The following ASIC2 variants were observed in gnomAD, a reference collection of about 807,000 sequenced individuals.
The protein encoded by ASIC2 is acid-sensing ion channel 2.
ASIC2 carries 25 observed loss-of-function variants against 57.3 expected under a neutral mutation model. The ratio of observed to expected loss-of-function variants is 0.44; its 90% CI spans 0.32 to 0.61. ASIC2 has a LOEUF of 0.61. Ranked by LOEUF, ASIC2 falls within the 20% of genes least tolerant of loss-of-function variation. The pLI, the probability that ASIC2 is intolerant of heterozygous loss-of-function variation, is 0.06. For synonymous variants in ASIC2, 319 were observed against 307.5 expected (o/e 1.04, Z -0.39); for missense variants, 641 against 738.1 (o/e 0.87, Z 1.52).
chr17:33,186,842 AGC>A (rs1906216088), intron 1 of ASIC2, among the ~76,000 whole-genome samples: 1 of 152,234 alleles, frequency 6.6e-6, no homozygotes, highest in African/African-American at 2.4e-5. Flanking sequence ...GTGCTTCATG[AGC>A]TGAGCAAAAA....
chr17:33,015,456 A>G (rs1215589435), intron 9 of ASIC2, among the ~76,000 whole-genome samples: 1 of 152,194 alleles, frequency 6.6e-6, no homozygotes, highest in Non-Finnish European at 1.5e-5. Flanking sequence ...CTGGGCCTCA[A>G]CTGCCTCAAA....
intron 1 of ASIC2, among the ~76,000 whole-genome samples, chr17:33,268,016 G>A (rs1342029915): frequency 6.6e-6 from 1 of 152,106 alleles, no homozygotes; most frequent in Non-Finnish European, 1.5e-5. Context: ...ATGAATCAAG[G>A]GACATGTGAC....
chr17:33,825,263 T>C (rs946215519), intron 1 of ASIC2, among the ~76,000 whole-genome samples: 1 of 152,158 alleles, frequency 6.6e-6, no homozygotes, highest in Non-Finnish European at 1.5e-5. Flanking sequence ...GAACAATCAA[T>C]GTGTCCCACT....
At position 33,167,645 on chromosome 17, in the gene ASIC2, A is replaced by C. The variant is rs571515146; in HGVS notation, c.709-55578T>G. 7.9e-5 allele frequency among the ~76,000 whole-genome samples: 12 copies of C among 152,350 alleles called. 1 individual carries two copies. In the East Asian group the frequency reaches 9.6e-4, roughly 12 times the overall value. ...CCCCACTGCCTACTGTATTAAGCACAAACTCCTCATTCTGGCATTCAAGGT... is the reference window on the plus strand; with the variant it reads ...CCCCACTGCCTACTGTATTAAGCACCAACTCCTCATTCTGGCATTCAAGGT... On this transcript the variant is annotated intron_variant, in intron 1 of 9. Transcript: ENST00000225823.
chr17:33,570,545 C>T (rs1436100071), intron 1 of ASIC2, among the ~76,000 whole-genome samples: 1 of 152,262 alleles, frequency 6.6e-6, no homozygotes, highest in Non-Finnish European at 1.5e-5. Flanking sequence ...ATTTGATGAG[C>T]ATTTTCTGTG....
chr17:33,698,687 T>C (rs1908604619), intron 1 of ASIC2, among the ~76,000 whole-genome samples: 1 of 152,136 alleles, frequency 6.6e-6, no homozygotes, highest in African/African-American at 2.4e-5. Context: ...AACAAACTGA[T>C]GGATGTGCAA....
intron 1 of ASIC2, among the ~76,000 whole-genome samples, chr17:34,105,070 A>G (rs923012247): frequency 2.0e-5 from 3 of 152,026 alleles, no homozygotes; most frequent in Non-Finnish European, 4.4e-5. Context: ...ACTGGAACCA[A>G]GAGTTTATTT....
chr17:33,688,035 G>A (rs1908248592), intron 1 of ASIC2, among the ~76,000 whole-genome samples: 1 of 152,080 alleles, frequency 6.6e-6, no homozygotes, highest in Admixed American at 6.5e-5. Context: ...CTCTCAATTT[G>A]GGCTCAATTT....
At chr17:33,555,208 A>T (rs1915870426) in intron 1 of ASIC2, among the ~76,000 whole-genome samples, 1 of 152,146 alleles carries the variant, frequency 6.6e-6, no homozygotes, top group South Asian at 2.1e-4. Context: ...TTATGCCTGT[A>T]GTGCCCTCCT....
intron 1 of ASIC2, among the ~76,000 whole-genome samples, chr17:33,946,514 A>C (rs182329321): frequency 1.6e-4 from 24 of 152,376 alleles, no homozygotes; most frequent in Non-Finnish European, 3.2e-4. Context: ...TCACTGATTC[A>C]TTTAACAATC....
At chr17:33,869,250 AC>A (rs1217539679) in intron 1 of ASIC2, among the ~76,000 whole-genome samples, 4 of 152,206 alleles carry the variant, frequency 2.6e-5, no homozygotes, top group Non-Finnish European at 5.9e-5. Context: ...TTAAAAAAAA[AC>A]AAAGAATATT....
At chr17:33,332,289 T>C (rs924076859) in intron 1 of ASIC2, among the ~76,000 whole-genome samples, 8 of 152,234 alleles carry the variant, frequency 5.3e-5, no homozygotes, top group African/African-American at 1.9e-4. Flanking sequence ...CTAGTAACCC[T>C]ATTTTTAAAA....
chr17:33,777,517 C>T (rs148672070), intron 1 of ASIC2, among the ~76,000 whole-genome samples: 346 of 152,222 alleles, frequency 2.3e-3, no homozygotes, highest in African/African-American at 7.6e-3. Flanking sequence ...CCCAGCCCAC[C>T]AACCCACCAT....
intron 3 of ASIC2, among the ~76,000 whole-genome samples, chr17:33,042,798 G>A: frequency 6.6e-6 from 1 of 152,222 alleles, no homozygotes; most frequent in East Asian, 1.9e-4. Context: ...CTGAGTGAGT[G>A]GCTGGAGGCC....
chr17:34,084,090 C>A (rs1203689908), intron 1 of ASIC2, among the ~76,000 whole-genome samples: 1 of 151,704 alleles, frequency 6.6e-6, no homozygotes, highest in Non-Finnish European at 1.5e-5. Flanking sequence ...GACATGAAGT[C>A]CTTGCCCATG....
At chr17:33,156,290 G>A (rs940463920) in intron 1 of ASIC2, among the ~76,000 whole-genome samples, 1 of 151,648 alleles carries the variant, frequency 6.6e-6, no homozygotes, top group Non-Finnish European at 1.5e-5. Flanking sequence ...ACTGCACCTG[G>A]CTAATTTTTG....
rs564301202 is a variant in ASIC2 at position 34,061,642 on chromosome 17, A to G, written c.555+94336T>C. ...GCCTTTAGGAGACTCACATAACACA[A>G]AAGGACTCACATAAACTTAAAGTAA... On this transcript the variant is annotated intron_variant, in intron 1 of 9. Transcript: ENST00000359872. Among the ~76,000 whole-genome samples the G allele has an allele frequency of 1.2e-3, 176 of 152,244 alleles. 2 individuals are homozygous for G. The highest frequency in any genetic ancestry group is 3.9e-3 in the African/African-American group (160 of 41,548).
At chr17:33,997,553 A>G (rs193106109) in intron 1 of ASIC2, among the ~76,000 whole-genome samples, 231 of 151,986 alleles carry the variant, frequency 1.5e-3, no homozygotes, top group Admixed American at 2.7e-3. Context: ...ATAGTTTTAT[A>G]CCTAATTTGT....
rs562213151 is a variant in ASIC2 at position 33,292,574 on chromosome 17, C to G, written c.-459G>C. The G allele has an allele frequency of 1.0e-6, 1 of 985,700 alleles. No individual in the cohort carries two copies. Among genetic ancestry groups the G allele is most frequent in the Non-Finnish European group, 1.2e-6 (1 of 830,290 alleles). 61.1% of individuals were successfully genotyped at this position (985,700 alleles called of 1,614,324 possible). A position where few individuals can be genotyped will look rare whatever the true frequency, so the allele number is the denominator to read the frequency against. ...CGCTGGTCCTGGGAGAAGGGCCACT[C>G]GGCCACCATGCCTGATCTGGACATC... On this transcript the variant is annotated 5_prime_UTR_variant, in exon 1 of 10. Coordinates refer to ENST00000225823, the MANE Select transcript of ASIC2 (RefSeq NM_183377.2).
Sources: allele counts gnomAD v4.1 joint callset (sites outside exome capture counted in the v4.1 genomes callset), GRCh38; gene constraint gnomAD v4.1.1; transcripts MANE v1.5; gene names NCBI Gene and HGNC (gene_info 2026-07-23, HGNC 2026-07-21).